TNK2: variants seen among roughly 807,000 people sequenced by gnomAD.
TNK2 encodes activated CDC42 kinase 1.
A neutral mutation model predicts 101.8 loss-of-function variants in TNK2; 83 were observed. The ratio of observed to expected loss-of-function variants is 0.82; its 90% CI spans 0.68 to 0.98. The LOEUF (loss-of-function observed/expected upper bound fraction) is 0.98. Among genes scored for constraint, TNK2 ranks in the 50% least tolerant of loss-of-function variants. The pLI, the probability that TNK2 is intolerant of heterozygous loss-of-function variation, is 0.00. For missense variants in TNK2, 1,665 were observed against 1,483.2 expected (o/e 1.12, Z -2.01); for synonymous variants, 804 against 633.0 (o/e 1.27, Z -4.06).
chr3:195,885,384 C>T lies in TNK2; in HGVS notation c.235-351G>A. On this transcript the variant is annotated intron_variant, in intron 3 of 15. Coordinates refer to ENST00000672887, the MANE Select transcript of TNK2 (RefSeq NM_001382273.1). This position sits in a 1 kb window ranked among gnomAD's most constrained non-coding sequence, Gnocchi z 4.7. ...TCCTGCCCCACCCTCCCTTCCTGCACCCGCCACCCCGCAGACTCCAGCCCT... is the reference window on the plus strand; with the variant it reads ...TCCTGCCCCACCCTCCCTTCCTGCATCCGCCACCCCGCAGACTCCAGCCCT... 1.5e-6 allele frequency: 2 copies of T among 1,350,690 alleles called. No individual in the cohort carries two copies. Among genetic ancestry groups the T allele is most frequent in the South Asian group, 1.3e-5 (1 of 76,964 alleles). 83.7% of individuals were successfully genotyped at this position (1,350,690 alleles called of 1,614,324 possible). A position where few individuals can be genotyped will look rare whatever the true frequency, so the allele number is the denominator to read the frequency against.
chr3:195,895,490 G>A (rs1049056251), intron 1 of TNK2: 196 of 1,359,564 alleles, frequency 1.4e-4, no homozygotes, highest in Non-Finnish European at 1.8e-4. Context: ...CGGCCGGGTG[G>A]TCGCGCCCCT....
rs139466729 is a variant in TNK2 at position 195,868,543 on chromosome 3, G to A, written c.1755C>T (p.Leu585=). The A allele has an allele frequency of 1.1e-5, 18 of 1,568,138 alleles. No individual in the cohort carries two copies. The highest frequency in any genetic ancestry group is 2.7e-5 in the African/African-American group (2 of 73,726). Residue 585 remains leucine, a synonymous_variant, in exon 13 of 16, where the codon CTC becomes CTT. Coordinates refer to ENST00000672887, the MANE Select transcript of TNK2 (RefSeq NM_001382273.1). ...ASRGSGAEVT[L]IDFGEEPVVP... Reference sequence around the variant, plus strand: ...CCACGGGCTCCTCACCGAAGTCGATGAGCGTGACCTCAGCCCCGCTGCCTC... The same window carrying A: ...CCACGGGCTCCTCACCGAAGTCGATAAGCGTGACCTCAGCCCCGCTGCCTC...
At chr3:195,891,644 TG>T (rs1170385942) in intron 1 of TNK2, among the ~76,000 whole-genome samples, 2 of 150,084 alleles carry the variant, frequency 1.3e-5, no homozygotes, top group Non-Finnish European at 2.9e-5. Flanking sequence ...GCCCTGTCCC[TG>T]GAGCAAAGTG....
In TNK2 at chr3:195,879,115, G is replaced by A. The variant is rs181875951; in HGVS notation, c.948C>T (p.Phe316=). ...TGAACATTTCCCACAGTGTCACCCC[G>A]AACATCCAGGTGTCGCTGGCATGGG... ...TFSHASDTWM[F]GVTLWEMFTY... is the part of the protein sequence containing the mutation. The change falls in exon 7 of 16, where the codon TTC becomes TTT. Residue 316 remains phenylalanine, a synonymous_variant. Coordinates refer to ENST00000672887, the MANE Select transcript of TNK2 (RefSeq NM_001382273.1). The A allele has an allele frequency of 8.0e-5, 129 of 1,613,850 alleles. 1 individual carries two copies. In the Admixed American group the frequency reaches 1.4e-3, roughly 18 times the overall value.
intron 1 of TNK2, among the ~76,000 whole-genome samples, chr3:195,903,709 C>T (rs546669976): frequency 6.6e-6 from 1 of 152,066 alleles, no homozygotes; most frequent in Non-Finnish European, 1.5e-5. Context: ...AAGCATGAAA[C>T]TCCATCTCAA....
chr3:195,902,866 C>T (rs1023678762), intron 1 of TNK2, among the ~76,000 whole-genome samples: 5 of 151,574 alleles, frequency 3.3e-5, no homozygotes, highest in African/African-American at 9.7e-5. Context: ...TCTTGTGCCT[C>T]GGCCTCCCAA....
intron 7 of TNK2, 37 bp downstream of exon 7, chr3:195,879,012 C>T: frequency 6.2e-7 from 1 of 1,605,516 alleles, no homozygotes; most frequent in Middle Eastern, 1.7e-4. Context: ...GGAATTCACC[C>T]CACCAGCCCT....
intron 15 of TNK2, among the ~76,000 whole-genome samples, chr3:195,866,412 G>A (rs1740885362): frequency 6.6e-6 from 1 of 152,156 alleles, no homozygotes; most frequent in Admixed American, 6.5e-5. Flanking sequence ...TGTTGGCCAG[G>A]CTGGTCTCGA....
chr3:195,883,325 T>C lies in TNK2; in HGVS notation c.457-16A>G, dbSNP rs1226372695. On this transcript the variant is annotated splice_polypyrimidine_tract_variant and intron_variant, in intron 4 of 15. Coordinates refer to ENST00000672887, the MANE Select transcript of TNK2 (RefSeq NM_001382273.1). ...CCACACTCACCTGCCCAGAGCGGGA[T>C]TTGCAAGGACTCAGGACTTGCCAGG... The C allele has an allele frequency of 3.7e-6, 6 of 1,611,842 alleles. No homozygotes were observed. The highest frequency in any genetic ancestry group is 1.3e-5 in the African/African-American group (1 of 74,830).
In TNK2 at chr3:195,886,380, G is replaced by C. The variant is rs1287166300; in HGVS notation, c.234+597C>G. ...CCCCAACCCAGCCCTGAAGCCAGAA[G>C]TGGGGAGGAAAGACCACGGCTGGCT... is the stretch of plus-strand genomic sequence containing the variant. On this transcript the variant is annotated intron_variant, in intron 3 of 15. Coordinates refer to ENST00000672887, the MANE Select transcript of TNK2 (RefSeq NM_001382273.1). The surrounding 1 kb of genome is among the most constrained non-coding windows in gnomAD (Gnocchi z 4.2). The C allele has an allele frequency of 2.0e-5, 3 of 152,734 alleles. No homozygotes were observed. The highest frequency in any genetic ancestry group is 4.4e-5 in the Non-Finnish European group (3 of 68,464). The allele number at this position is 152,734 out of a possible 1,614,324, so 9.5% of individuals were successfully genotyped here.
Position 195,885,460 on chromosome 3 carries a change from A to G in TNK2, c.235-427T>C. The stretch of plus-strand genomic sequence containing the variant: ...GCCCTCCACAGACACCTCCTTGTCC[A>G]TTTTTAGCCCTGGCCCCTTCTCTGG... On this transcript the variant is annotated intron_variant, in intron 3 of 15. Transcript: ENST00000672887. This position sits in a 1 kb window ranked among gnomAD's most constrained non-coding sequence, Gnocchi z 4.7. 3 of 1,310,262 alleles carry G rather than the reference A, an allele frequency of 2.3e-6. No individual in the cohort carries two copies. The highest frequency in any genetic ancestry group is 2.1e-4 in the Middle Eastern group (1 of 4,802). The allele number at this position is 1,310,262 out of a possible 1,614,324, so 81.2% of individuals were successfully genotyped here. A position where few individuals can be genotyped will look rare whatever the true frequency, so the allele number is the denominator to read the frequency against.
At chr3:195,874,246 G>A (rs934941632) in intron 9 of TNK2, among the ~76,000 whole-genome samples, 5 of 152,376 alleles carry the variant, frequency 3.3e-5, no homozygotes, top group African/African-American at 1.2e-4. Context: ...AGCGTGACTC[G>A]TGCCCAAGGC....
Position 195,885,023 on chromosome 3 carries a change from C to G in TNK2, c.245G>C (p.Gly82Ala). 1.3e-6 allele frequency: 2 copies of G among 1,597,554 alleles called. No homozygotes were observed. The highest frequency in any genetic ancestry group is 1.7e-6 in the Non-Finnish European group (2 of 1,170,086). The change falls in exon 4 of 16, where the codon GGA becomes GCA. Residue 82 changes from glycine to alanine, a missense_variant. Gly to Ala is a moderately conservative substitution (Grantham distance 60). Transcript: ENST00000672887. This position sits in a 1 kb window ranked among gnomAD's most constrained non-coding sequence, Gnocchi z 4.7. ...RKSWMSKVFSGKRLEAEFPPH... is the reference protein window; with the variant it reads ...RKSWMSKVFSAKRLEAEFPPH... ...TGGGAACTCAGCCTCCAGTCGCTTT[C>G]CACTGAACACCTGTTTGAAGGCAGC...
chr3:195,888,341 G>A lies in TNK2; in HGVS notation c.163+85C>T. The stretch of plus-strand genomic sequence containing the variant: ...TCAGGGCTCTGGGACAGAGTTCTCA[G>A]CTGCCACCCGTGCACCGAGTGGTCC... On this transcript the variant is annotated intron_variant, in intron 2 of 15. Transcript: ENST00000672887. This position sits in a 1 kb window ranked among gnomAD's most constrained non-coding sequence, Gnocchi z 5.3. 4 of 1,457,442 alleles carry A rather than the reference G, an allele frequency of 2.7e-6. No individual in the cohort carries two copies. The highest frequency in any genetic ancestry group is 1.8e-5 in the Admixed American group (1 of 54,464). The allele number at this position is 1,457,442 out of a possible 1,614,324, so 90.3% of individuals were successfully genotyped here.
intron 11 of TNK2, 115 bp downstream of exon 11, chr3:195,869,999 C>T: frequency 3.6e-6 from 3 of 823,612 alleles, no homozygotes; most frequent in East Asian, 2.8e-5. Flanking sequence ...CGCCTGCTGC[C>T]CTGACCCCAC....
intron 1 of TNK2, among the ~76,000 whole-genome samples, chr3:195,890,380 T>C (rs1757879608): frequency 6.6e-6 from 1 of 152,094 alleles, no homozygotes; most frequent in Non-Finnish European, 1.5e-5. Context: ...TTCATGAAGG[T>C]GTTTATGATC....
chr3:195,901,853 G>C (rs111938993), intron 1 of TNK2, among the ~76,000 whole-genome samples: 9 of 152,320 alleles, frequency 5.9e-5, no homozygotes, highest in East Asian at 1.9e-4. Flanking sequence ...TTGGCACAAG[G>C]ATGCGGGCCC....
chr3:195,883,531 C>T, intron 4 of TNK2: 1 of 541,862 alleles, frequency 1.8e-6, no homozygotes, highest in Non-Finnish European at 3.3e-6. Context: ...GCCACACCTC[C>T]CCTTCCTGGG....
In TNK2 at chr3:195,878,108, C is replaced by T. The variant is rs949450790; in HGVS notation, c.1256+145G>A. On this transcript the variant is annotated intron_variant, in intron 9 of 15. Transcript: ENST00000672887. This position sits in a 1 kb window ranked among gnomAD's most constrained non-coding sequence, Gnocchi z 4.7. ...AGGAAGACGGAGGCAGGCCTGTCCT[C>T]CCCTCACACTGCAGGGTTCAGGCCC... 1.3e-6 allele frequency: 1 copy of T among 778,706 alleles called. No homozygotes were observed. The highest frequency in any genetic ancestry group is 2.1e-5 in the Admixed American group (1 of 48,190). The allele number at this position is 778,706 out of a possible 1,614,324, so 48.2% of individuals were successfully genotyped here. A position where few individuals can be genotyped will look rare whatever the true frequency, so the allele number is the denominator to read the frequency against.
Sources: allele counts gnomAD v4.1 joint callset (sites outside exome capture counted in the v4.1 genomes callset), GRCh38; gene constraint gnomAD v4.1.1; non-coding constraint Gnocchi (gnomAD v3.1); transcripts MANE v1.5; gene names NCBI Gene and HGNC (gene_info 2026-07-23, HGNC 2026-07-21).